ERH: variants seen among roughly 807,000 people sequenced by gnomAD.
ERH encodes enhancer of rudimentary homolog.
ERH carries 1 observed loss-of-function variant against 16.8 expected under a neutral mutation model. The observed-to-expected ratio is 0.06, with a 90% CI of 0.02 to 0.28. The LOEUF is 0.28. Among genes scored for constraint, ERH ranks in the 10% least tolerant of loss-of-function variants. The probability of loss-of-function intolerance (pLI) is 1.00; values close to 1 mark genes in which losing one functional copy is unlikely to be tolerated. For missense variants in ERH, 42 were observed against 127.5 expected, an observed-to-expected ratio of 0.33 and a Z score of 3.23; for synonymous variants, 43 against 43.6, an observed-to-expected ratio of 0.99 and a Z score of 0.05.
intron 1 of ERH, among the ~76,000 whole-genome samples, chr14:69,396,746 C>T (rs1164040649): frequency 6.6e-6 from 1 of 152,184 alleles, no homozygotes; most frequent in Non-Finnish European, 1.5e-5. Context: ...GACATAAAAA[C>T]GGAACTTGGT....
rs1410718082 is a variant in ERH at position 69,389,410 on chromosome 14, T to C, written c.92-2327A>G. Among the ~76,000 whole-genome samples, 7 of 152,218 alleles carry C rather than the reference T, an allele frequency of 4.6e-5. No homozygotes were observed. The East Asian group carries it at 1.2e-3, about 25-fold the overall frequency. ...CAGAATATTTATTGCGCTACTTGTA[T>C]TCAACATTGTACTAGAAGTTCTAGC... is the stretch of plus-strand genomic sequence containing the variant. On this transcript the variant is annotated intron_variant, in intron 2 of 3. Transcript: ENST00000557016.
At position 69,390,741 on chromosome 14, in the gene ERH, C is replaced by T. The variant is rs114117717; in HGVS notation, c.92-3658G>A. On this transcript the variant is annotated intron_variant, in intron 2 of 3. Coordinates refer to ENST00000557016, the MANE Select transcript of ERH (RefSeq NM_004450.3). ...TAAGAAAGTGAGAAGACACCACAAA[C>T]GGGGAGAAAACCTTTATAAAACATC... 3.2e-3 allele frequency among the ~76,000 whole-genome samples: 480 copies of T among 152,198 alleles called. 5 individuals carry two copies. The highest frequency in any genetic ancestry group is 0.011 in the African/African-American group (465 of 41,530).
intron 3 of ERH, among the ~76,000 whole-genome samples, chr14:69,382,044 C>G (rs1489603202): frequency 6.6e-6 from 1 of 152,172 alleles, no homozygotes; most frequent in East Asian, 1.9e-4. Context: ...AAGTTATTAG[C>G]TAGGTAATGC....
chr14:69,387,162 T>C, intron 2 of ERH, 79 bp from the exon 3 acceptor site: 1 of 1,118,358 alleles, frequency 8.9e-7, no homozygotes, highest in Non-Finnish European at 1.3e-6. Flanking sequence ...TGAGCTGTGC[T>C]ATATGTTGAT....
intron 1 of ERH, chr14:69,398,010 C>A: frequency 1.6e-6 from 1 of 616,572 alleles, no homozygotes; most frequent in Non-Finnish European, 2.9e-6. Context: ...CGGACCCGAG[C>A]GAGCAGGCGG....
intron 2 of ERH, among the ~76,000 whole-genome samples, chr14:69,393,484 T>G (rs1190736347): frequency 3.9e-5 from 6 of 152,134 alleles, no homozygotes; most frequent in Non-Finnish European, 8.8e-5. Flanking sequence ...TACTCAGCTA[T>G]TAAAAAAAGA....
intron 1 of ERH, among the ~76,000 whole-genome samples, chr14:69,395,738 A>G (rs942011650): frequency 3.9e-5 from 6 of 152,250 alleles, no homozygotes; most frequent in South Asian, 4.1e-4. Context: ...TAAACATATC[A>G]TAAGAATTAC....
intron 2 of ERH, 101 bp downstream of exon 2, chr14:69,394,724 G>C (rs1882295952): frequency 1.5e-6 from 1 of 667,050 alleles, no homozygotes; most frequent in Non-Finnish European, 2.6e-6. Context: ...ATAAAGGCAG[G>C]GCCTGGGGTG....
At chr14:69,392,137 G>T (rs1882227115) in intron 2 of ERH, among the ~76,000 whole-genome samples, 1 of 147,792 alleles carries the variant, frequency 6.8e-6, no homozygotes, top group African/African-American at 2.5e-5. Context: ...CTTAAATAAA[G>T]TCTTTAACTG....
chr14:69,387,858 C>T (rs1273711908), intron 2 of ERH, among the ~76,000 whole-genome samples: 3 of 152,120 alleles, frequency 2.0e-5, no homozygotes, highest in Non-Finnish European at 2.9e-5. Flanking sequence ...TCCTGGCCAA[C>T]ACAGTGAAAC....
intron 1 of ERH, 97 bp downstream of exon 1, chr14:69,398,134 G>A (rs2140236829): frequency 2.1e-6 from 3 of 1,395,860 alleles, no homozygotes; most frequent in East Asian, 2.4e-5. Flanking sequence ...ATCACGCGGC[G>A]CTGCATGGGG....
At chr14:69,397,376 G>T (rs564967432) in intron 1 of ERH, among the ~76,000 whole-genome samples, 1 of 150,620 alleles carries the variant, frequency 6.6e-6, no homozygotes, top group Non-Finnish European at 1.5e-5. Flanking sequence ...GCCCCAAGAG[G>T]ATATAAATAC....
intron 3 of ERH, among the ~76,000 whole-genome samples, chr14:69,381,382 T>A (rs115765416): frequency 1.3e-5 from 2 of 152,240 alleles, no homozygotes; most frequent in Non-Finnish European, 2.9e-5. Flanking sequence ...GCTAATTTCC[T>A]TCCCCCTGTA....
chr14:69,395,341 G>A (rs114355067), intron 1 of ERH, among the ~76,000 whole-genome samples: 1 of 152,010 alleles, frequency 6.6e-6, no homozygotes, highest in Non-Finnish European at 1.5e-5. Context: ...CAAAAATATT[G>A]ATGTCTTAGT....
intron 2 of ERH, among the ~76,000 whole-genome samples, chr14:69,391,887 A>T (rs924613922): frequency 6.6e-6 from 1 of 152,124 alleles, no homozygotes; most frequent in East Asian, 1.9e-4. Context: ...GATACACGTA[A>T]TTATACATGT....
intron 2 of ERH, among the ~76,000 whole-genome samples, chr14:69,391,792 TG>T (rs1349845061): frequency 6.6e-6 from 1 of 151,290 alleles, no homozygotes; most frequent in Admixed American, 6.6e-5. Flanking sequence ...ATCAGGGGTT[TG>T]GGGGTGGTGG....
chr14:69,387,211 TGATA>T (rs2045897805), intron 2 of ERH, 128 bp from the exon 3 acceptor site: 1 of 679,034 alleles, frequency 1.5e-6, no homozygotes. Context: ...GGGGAAAAGA[TGATA>T]GATTGATGGC....
At chr14:69,387,919 A>G (rs28451089) in intron 2 of ERH, among the ~76,000 whole-genome samples, 58,961 of 151,874 alleles carry the variant, frequency 0.39, 11,581 homozygotes, top group Middle Eastern at 0.55. Context: ...GGTGGCAGGC[A>G]CCTGTAGCCC....
chr14:69,386,866 T>G (rs1457156149), intron 3 of ERH, 97 bp downstream of exon 3: 1 of 1,119,872 alleles, frequency 8.9e-7, no homozygotes, highest in Non-Finnish European at 1.3e-6. Flanking sequence ...AAGATCAGTA[T>G]CAGGCACATA....
Sources: gnomAD v4.1 joint callset for allele counts (sites outside exome capture counted in the v4.1 genomes callset) on GRCh38, gnomAD v4.1.1 for gene constraint, MANE v1.5 for transcripts, NCBI Gene and HGNC (gene_info 2026-07-23, HGNC 2026-07-21) for gene names.